ANKRD12: variants seen among roughly 807,000 people sequenced by gnomAD.
ANKRD12 encodes the protein ankyrin repeat domain 12, also known as ankyrin repeat domain-containing protein 12.
A neutral mutation model predicts 183.4 loss-of-function variants in ANKRD12; 85 were observed. The observed-to-expected ratio is 0.46, with a 90% CI of 0.39 to 0.56. The LOEUF (loss-of-function observed/expected upper bound fraction) is 0.56. Among genes scored for constraint, ANKRD12 ranks in the 20% least tolerant of loss-of-function variants. The probability of loss-of-function intolerance (pLI) is 0.00; values close to 1 mark genes in which losing one functional copy is unlikely to be tolerated. For missense variants in ANKRD12, 2,405 were observed against 2,357.1 expected, an observed-to-expected ratio of 1.02 and a Z score of -0.42; for synonymous variants, 914 against 800.2, an observed-to-expected ratio of 1.14 and a Z score of -2.40.
At chr18:9,238,710 A>G (rs372499354) in intron 8 of ANKRD12, among the ~76,000 whole-genome samples, 5 of 152,358 alleles carry the variant, frequency 3.3e-5, no homozygotes, top group Non-Finnish European at 5.9e-5. Flanking sequence ...TCAGCTTTCA[A>G]AATTTTTGTA....
At chr18:9,184,156 A>G (rs573714731) in intron 2 of ANKRD12, among the ~76,000 whole-genome samples, 8 of 152,362 alleles carry the variant, frequency 5.3e-5, no homozygotes, top group Non-Finnish European at 8.8e-5. Flanking sequence ...CAACAAAAGA[A>G]TGTTATAATT....
Position 9,232,062 on chromosome 18 carries a change from G to A in ANKRD12, c.943+10063G>A, listed in dbSNP as rs564281692. Among the ~76,000 whole-genome samples, 63 of 152,234 alleles carry A rather than the reference G, an allele frequency of 4.1e-4. 1 individual carries two copies. In the South Asian group the frequency reaches 0.011, roughly 27 times the overall value. On this transcript the variant is annotated intron_variant, in intron 8 of 12. Coordinates refer to ENST00000262126, the MANE Select transcript of ANKRD12 (RefSeq NM_015208.5). The stretch of plus-strand genomic sequence containing the variant: ...TTTATATTCAATTTTATTGATATGT[G>A]AAGATTTGTTTCTGTTGTATTGTTG...
At position 9,280,919 on chromosome 18, in the gene ANKRD12, ACTCTT is replaced by A. The variant is rs751473495; in HGVS notation, c.6004-14_6004-10del. The A allele has an allele frequency of 6.3e-7, 1 of 1,590,704 alleles. No individual in the cohort carries two copies. The highest frequency in any genetic ancestry group is 8.5e-7 in the Non-Finnish European group (1 of 1,173,860). ...GCAAAGTTAACAGAATAATCAAGTA[ACTCTT>A]CTCTTCTTTTAAATAGACCTGTCTT... On this transcript the variant is annotated splice_polypyrimidine_tract_variant and intron_variant, in intron 12 of 12. Transcript: ENST00000262126.
chr18:9,235,938 GA>G, intron 8 of ANKRD12: 1 of 201,868 alleles, frequency 5.0e-6, no homozygotes, highest in East Asian at 1.1e-4. Flanking sequence ...ATAATATCTA[GA>G]TATTGAGGGA....
At chr18:9,240,713 A>G (rs1350999478) in intron 8 of ANKRD12, among the ~76,000 whole-genome samples, 1 of 152,186 alleles carries the variant, frequency 6.6e-6, no homozygotes, top group Non-Finnish European at 1.5e-5. Context: ...TCACTTGCAT[A>G]CTTCAACTTA....
intron 6 of ANKRD12, among the ~76,000 whole-genome samples, chr18:9,212,719 C>T (rs983874966): frequency 2.6e-5 from 4 of 151,638 alleles, no homozygotes; most frequent in Non-Finnish European, 5.9e-5. Flanking sequence ...TTCATACTAC[C>T]ATCAAGAGTA....
Position 9,218,754 on chromosome 18 carries a change from C to A in ANKRD12, c.795+1854C>A, listed in dbSNP as rs972751229. 4.0e-5 allele frequency among the ~76,000 whole-genome samples: 6 copies of A among 151,744 alleles called. No individual in the cohort carries two copies. The South Asian group carries it at 1.2e-3, about 31-fold the overall frequency. ...GTGCAATCACAGATTACTGCAGCCT[C>A]AACCTCGTGGGCTCAAGTGATCCTC... On this transcript the variant is annotated intron_variant, in intron 7 of 12. Coordinates refer to ENST00000262126, the MANE Select transcript of ANKRD12 (RefSeq NM_015208.5).
At chr18:9,277,334 T>C (rs1253372230) in intron 11 of ANKRD12, among the ~76,000 whole-genome samples, 1 of 146,828 alleles carries the variant, frequency 6.8e-6, no homozygotes, top group Admixed American at 6.7e-5. Context: ...TTTTTTTTTT[T>C]TTTTTTTTTT....
At chr18:9,144,731 T>A (rs547147473) in intron 1 of ANKRD12, among the ~76,000 whole-genome samples, 1 of 152,206 alleles carries the variant, frequency 6.6e-6, no homozygotes, top group Non-Finnish European at 1.5e-5. Flanking sequence ...AAGTTATACA[T>A]ATCTAGTAAG....
intron 8 of ANKRD12, among the ~76,000 whole-genome samples, chr18:9,237,490 A>G (rs1280950205): frequency 6.6e-6 from 1 of 152,180 alleles, no homozygotes; most frequent in East Asian, 1.9e-4. Context: ...GGCAAAAAAT[A>G]TAGCCATCAC....
intron 1 of ANKRD12, among the ~76,000 whole-genome samples, chr18:9,179,994 A>G (rs1318622949): frequency 2.6e-5 from 4 of 152,218 alleles, no homozygotes; most frequent in Non-Finnish European, 2.9e-5. Flanking sequence ...CCAACTGATT[A>G]ACGGCGTTTT....
intron 7 of ANKRD12, 85 bp from the exon 8 acceptor site, chr18:9,221,767 G>C: frequency 7.5e-7 from 1 of 1,340,020 alleles, no homozygotes; most frequent in East Asian, 2.4e-5. Flanking sequence ...ACACTCAGAA[G>C]GATACTATGA....
intron 3 of ANKRD12, among the ~76,000 whole-genome samples, chr18:9,196,501 T>A (rs2034833255): frequency 6.6e-6 from 1 of 152,206 alleles, no homozygotes; most frequent in Non-Finnish European, 1.5e-5. Flanking sequence ...TCAGAGAAAG[T>A]ATTCCATTCT....
chr18:9,251,567 G>T (rs1236470367), intron 8 of ANKRD12, among the ~76,000 whole-genome samples: 1 of 152,142 alleles, frequency 6.6e-6, no homozygotes, highest in Non-Finnish European at 1.5e-5. Context: ...GCCAAGGTGG[G>T]TGGATCACCT....
In ANKRD12 at chr18:9,281,093, T is replaced by C. The variant is rs140456857; in HGVS notation, c.6156T>C (p.Asp2052=). Residue 2052 remains aspartate (D), a synonymous_variant, in exon 13 of 13, where the codon GAT becomes GAC. Transcript: ENST00000262126. ...EIQEFYVPLV[D]VNDDFELTPI ...AGGAGTTTTATGTTCCCCTTGTTGA[T>C]GTTAACGACGACTTTGAATTGACTC... is the stretch of plus-strand genomic sequence containing the variant. The C allele has an allele frequency of 6.3e-5, 101 of 1,613,908 alleles. No homozygotes were observed. The African/African-American group carries it at 1.3e-3, about 21-fold the overall frequency.
intron 1 of ANKRD12, among the ~76,000 whole-genome samples, chr18:9,149,201 T>C (rs2078596760): frequency 6.6e-6 from 1 of 152,214 alleles, no homozygotes; most frequent in South Asian, 2.1e-4. Context: ...AAACTGTCAG[T>C]TCCCTTCAGG....
chr18:9,171,864 A>G (rs1248771367), intron 1 of ANKRD12, among the ~76,000 whole-genome samples: 1 of 152,026 alleles, frequency 6.6e-6, no homozygotes, highest in East Asian at 1.9e-4. Context: ...TACTAAAAAT[A>G]CAAAAATCGG....
chr18:9,151,123 T>C (rs965077350), intron 1 of ANKRD12, among the ~76,000 whole-genome samples: 2 of 152,174 alleles, frequency 1.3e-5, no homozygotes, highest in African/African-American at 4.8e-5. Flanking sequence ...ATAGACTGAA[T>C]TCTCACTTGA....
At chr18:9,263,922 A>G (rs1029381436) in intron 10 of ANKRD12, 34 bp downstream of exon 10, 4 of 1,320,670 alleles carry the variant, frequency 3.0e-6, no homozygotes, top group Non-Finnish European at 4.1e-6. Context: ...TTATGCTAAA[A>G]ATAACTGGTT....
Sources: allele counts gnomAD v4.1 joint callset (sites outside exome capture counted in the v4.1 genomes callset), GRCh38; gene constraint gnomAD v4.1.1; transcripts MANE v1.5; gene names NCBI Gene and HGNC (gene_info 2026-07-23, HGNC 2026-07-21).